The following MEI4 variants were observed in gnomAD, a reference collection of about 807,000 sequenced individuals.
MEI4 encodes meiotic double-stranded break formation protein 4, also known as meiosis-specific protein MEI4.
A neutral mutation model predicts 31.4 loss-of-function variants in MEI4; 27 were observed. The observed-to-expected ratio is 0.86, with a 90% CI of 0.63 to 1.19. MEI4 has a LOEUF of 1.19. MEI4 is among the 50% of genes most tolerant of loss of function. The pLI, the probability that MEI4 is intolerant of heterozygous loss-of-function variation, is 0.00. For missense variants in MEI4, 329 were observed against 398.9 expected, an observed-to-expected ratio of 0.82 and a Z score of 1.49; for synonymous variants, 122 against 145.4, an observed-to-expected ratio of 0.84 and a Z score of 1.16.
chr6:77,917,372 T>A (rs1766584991), intron 4 of MEI4, among the ~76,000 whole-genome samples: 1 of 150,940 alleles, frequency 6.6e-6, no homozygotes, highest in Admixed American at 6.6e-5. Flanking sequence ...GTTGTACTAG[T>A]TTACAGTCCC....
intron 4 of MEI4, among the ~76,000 whole-genome samples, chr6:77,859,293 A>G (rs1348139743): frequency 2.0e-5 from 3 of 152,066 alleles, no homozygotes; most frequent in African/African-American, 7.2e-5. Context: ...TTGGTTCTAT[A>G]TCTTTGCTAT....
At chr6:77,841,331 A>ATT (rs1562008564) in intron 4 of MEI4, among the ~76,000 whole-genome samples, 2 of 35,476 alleles carry the variant, frequency 5.6e-5, no homozygotes, top group Non-Finnish European at 8.7e-5. Context: ...ATATATATAT[A>ATT]TATTTTTTTT....
intron 3 of MEI4, among the ~76,000 whole-genome samples, chr6:77,802,743 C>G (rs1283373220): frequency 6.6e-6 from 1 of 152,162 alleles, no homozygotes; most frequent in Admixed American, 6.5e-5. Flanking sequence ...CTTAGTTTAT[C>G]TGGATATGAA....
chr6:77,903,711 C>T (rs1766232346), intron 4 of MEI4, among the ~76,000 whole-genome samples: 3 of 152,090 alleles, frequency 2.0e-5, no homozygotes, highest in Admixed American at 2.0e-4. Context: ...TACATCCCTT[C>T]TATCTAATTC....
At chr6:77,673,542 G>A (rs528623054) in intron 1 of MEI4, among the ~76,000 whole-genome samples, 9 of 152,244 alleles carry the variant, frequency 5.9e-5, no homozygotes, top group Admixed American at 2.0e-4. Context: ...AGAACATATC[G>A]ACTTATGCAC....
chr6:77,854,187 G>A (rs181869186), intron 4 of MEI4, among the ~76,000 whole-genome samples: 1 of 151,994 alleles, frequency 6.6e-6, no homozygotes, highest in East Asian at 1.9e-4. Flanking sequence ...CTCTATTCAT[G>A]ACTCGCTATT....
chr6:77,744,252 A>C (rs977806105), intron 2 of MEI4, among the ~76,000 whole-genome samples: 1 of 152,140 alleles, frequency 6.6e-6, no homozygotes, highest in Non-Finnish European at 1.5e-5. Flanking sequence ...AACTAGAATA[A>C]CCAATACAGA....
intron 3 of MEI4, among the ~76,000 whole-genome samples, chr6:77,786,125 A>G (rs1013836052): frequency 5.3e-5 from 8 of 152,208 alleles, no homozygotes; most frequent in Non-Finnish European, 1.0e-4. Context: ...TTATTTGATT[A>G]AACTATTTTC....
intron 3 of MEI4, among the ~76,000 whole-genome samples, chr6:77,763,385 ATTG>A (rs1768087785): frequency 6.6e-6 from 1 of 152,058 alleles, no homozygotes. Flanking sequence ...TTGTGCAGAA[ATTG>A]TTGTCCTTGT....
chr6:77,730,803 G>GGTAGAGGAAT (rs1766963514), intron 2 of MEI4, among the ~76,000 whole-genome samples: 1 of 125,830 alleles, frequency 7.9e-6, no homozygotes, highest in African/African-American at 3.1e-5. Flanking sequence ...ACAGTCCCCA[G>GGTAGAGGAAT]AGTGTGATGT....
intron 2 of MEI4, among the ~76,000 whole-genome samples, chr6:77,746,285 A>G (rs944207183): frequency 2.1e-4 from 32 of 152,150 alleles, no homozygotes; most frequent in Admixed American, 1.8e-3. Context: ...GTGTCTTTAA[A>G]TGTGTTTTCA....
rs70974691 is a variant in MEI4 at position 77,905,475 on chromosome 6, CTTTTTTTTTTTTTTTT to C, written c.901-17590_901-17575del. 3.7e-3 allele frequency among the ~76,000 whole-genome samples: 347 copies of C among 93,310 alleles called. 1 individual carries two copies. The highest frequency in any genetic ancestry group is 7.9e-3 in the African/African-American group (208 of 26,240). 61.2% of individuals were successfully genotyped at this position (93,310 alleles called of 152,430 possible). On this transcript the variant is annotated intron_variant, in intron 4 of 4. Coordinates refer to ENST00000684080, the MANE Select transcript of MEI4 (RefSeq NM_001322247.2). Reference sequence around the variant, plus strand: ...TTCTATAGATTGTATAAATTTTCAGCTTTTTTTTTTTTTTTTTTTTTTTTTTTTTTTTTTTTTTTGT... The same window carrying C: ...TTCTATAGATTGTATAAATTTTCAGCTTTTTTTTTTTTTTTTTTTTTTTGT...
At chr6:77,751,379 T>C (rs1767770293) in intron 2 of MEI4, among the ~76,000 whole-genome samples, 1 of 151,506 alleles carries the variant, frequency 6.6e-6, no homozygotes, top group Non-Finnish European at 1.5e-5. Context: ...CTAGCCAGAC[T>C]AATAAAGAAG....
At chr6:77,917,674 G>A (rs1004076333) in intron 4 of MEI4, among the ~76,000 whole-genome samples, 5 of 118,900 alleles carry the variant, frequency 4.2e-5, no homozygotes, top group Admixed American at 2.7e-4. Context: ...TTAGCCCTTT[G>A]TCAGATGAGT....
chr6:77,719,309 G>C (rs920140182), intron 2 of MEI4, among the ~76,000 whole-genome samples: 2 of 137,128 alleles, frequency 1.5e-5, no homozygotes, highest in South Asian at 4.6e-4. Flanking sequence ...AAATTTTAGT[G>C]ATCTTTGATA....
At chr6:77,712,815 C>CA (rs1346294171) in intron 2 of MEI4, among the ~76,000 whole-genome samples, 2 of 151,720 alleles carry the variant, frequency 1.3e-5, no homozygotes, top group African/African-American at 2.4e-5. Flanking sequence ...ACTAAAAATA[C>CA]AAAAAACTAG....
intron 2 of MEI4, among the ~76,000 whole-genome samples, chr6:77,759,842 A>G (rs1469649532): frequency 6.6e-6 from 1 of 152,170 alleles, no homozygotes; most frequent in African/African-American, 2.4e-5. Flanking sequence ...CCTATAGCCA[A>G]TAGAATGATG....
At chr6:77,738,974 T>C (rs889699839) in intron 2 of MEI4, among the ~76,000 whole-genome samples, 5 of 152,216 alleles carry the variant, frequency 3.3e-5, no homozygotes, top group Middle Eastern at 3.2e-3. Context: ...TTGTAGACTC[T>C]GGATAGTAGA....
At chr6:77,915,629 G>T (rs1581977502) in intron 4 of MEI4, among the ~76,000 whole-genome samples, 1 of 151,790 alleles carries the variant, frequency 6.6e-6, no homozygotes, top group Non-Finnish European at 1.5e-5. Context: ...ATCTAGTGTT[G>T]GGTGCATATG....
Sources: allele counts gnomAD v4.1 joint callset (sites outside exome capture counted in the v4.1 genomes callset), GRCh38; gene constraint gnomAD v4.1.1; transcripts MANE v1.5; gene names NCBI Gene and HGNC (gene_info 2026-07-23, HGNC 2026-07-21).